Variants in MAP3K4 observed in about 807,000 individuals in gnomAD.
The protein encoded by MAP3K4 is mitogen-activated protein kinase kinase kinase 4.
A neutral mutation model predicts 185.6 loss-of-function variants in MAP3K4; 67 were observed. The observed-to-expected ratio is 0.36, with a 90% CI of 0.30 to 0.44. MAP3K4 has a LOEUF of 0.44. MAP3K4 is among the 20% of genes least tolerant of loss of function. The pLI, the probability that MAP3K4 is intolerant of heterozygous loss-of-function variation, is 1.00. For synonymous variants in MAP3K4, 702 were observed against 710.4 expected (o/e 0.99, Z 0.19); for missense variants, 1,551 against 1,995.1 (o/e 0.78, Z 4.24).
chr6:161,116,833 C>T lies in MAP3K4; in HGVS notation c.4807-17C>T. ...CCTGGCTCTGCAAGAGCTCAGCTCT[C>T]TCCTGCTTCCTCACAGGTTTGCACA... On this transcript the variant is annotated splice_polypyrimidine_tract_variant and intron_variant, in intron 26 of 26. Transcript: ENST00000392142. The surrounding 1 kb of genome is among the most constrained non-coding windows in gnomAD (Gnocchi z 6.2). The T allele has an allele frequency of 6.2e-7, 1 of 1,613,966 alleles. No individual in the cohort carries two copies.
chr6:161,087,736 C>G lies in MAP3K4; in HGVS notation c.2605C>G (p.Leu869Val). 6.2e-7 allele frequency: 1 copy of G among 1,614,160 alleles called. No homozygotes were observed. Among genetic ancestry groups the G allele is most frequent in the Non-Finnish European group, 8.5e-7 (1 of 1,180,008 alleles). Residue 869 changes from leucine to valine, a missense_variant, in exon 10 of 27, where the codon CTT (leucine) becomes GTT (valine). By Grantham distance (32) the Leu-to-Val change is conservative. Transcript: ENST00000392142. The surrounding 1 kb of genome is among the most constrained non-coding windows in gnomAD (Gnocchi z 4.9). ...ENLQMFVPDT[L>V]AEEKSIILQL... is the part of the protein sequence containing the mutation. ...CTTGCAAATGTTTGTTCCAGACACT[C>G]TTGCTGAGGAGAAGAGTATTATTTT...
In MAP3K4 at chr6:161,089,462, G is replaced by A. The variant is rs748456562; in HGVS notation, c.2964G>A (p.Gln988=). 2 of 1,614,168 alleles carry A rather than the reference G, an allele frequency of 1.2e-6. No homozygotes were observed. The highest frequency in any genetic ancestry group is 1.7e-5 in the Admixed American group (1 of 60,020). ...SSQPVIAKAL[Q]QLKNDALELC... ...AGCCGGTCATCGCCAAAGCTTTGCA[G>A]CAGCTGAAGGTATTACACTGTCCTC... Residue 988 remains glutamine (Q), a synonymous_variant, in exon 11 of 27, where the codon CAG becomes CAA. Coordinates refer to ENST00000392142, the MANE Select transcript of MAP3K4 (RefSeq NM_005922.4).
chr6:161,005,501 A>T (rs1781542177), intron 1 of MAP3K4, among the ~76,000 whole-genome samples: 1 of 152,076 alleles, frequency 6.6e-6, no homozygotes, highest in Admixed American at 6.5e-5. Flanking sequence ...TAGGTATCTA[A>T]TGAATACCCA....
chr6:161,046,041 A>G (rs1783714826), intron 2 of MAP3K4, among the ~76,000 whole-genome samples: 2 of 152,046 alleles, frequency 1.3e-5, no homozygotes, highest in Admixed American at 6.6e-5. Context: ...TAAGCCCAAC[A>G]TGTGTGTTTT....
At position 161,092,234 on chromosome 6, in the gene MAP3K4, CGACACA is replaced by C. The variant is rs2114869332; in HGVS notation, c.3269+94_3269+99del. ...TTCTGTGGGATTCTTTTTGAGCAGA[CGACACA>C]GAAGGGAACACTCTAAACTCTTCGG... On this transcript the variant is annotated intron_variant, in intron 13 of 26. Coordinates refer to ENST00000392142, the MANE Select transcript of MAP3K4 (RefSeq NM_005922.4). 1.1e-5 allele frequency: 15 copies of C among 1,421,378 alleles called. No homozygotes were observed. The South Asian group carries it at 1.9e-4, about 18-fold the overall frequency. 88.0% of individuals were successfully genotyped at this position (1,421,378 alleles called of 1,614,324 possible). A position where few individuals can be genotyped will look rare whatever the true frequency, so the allele number is the denominator to read the frequency against.
rs1008290144 is a variant in MAP3K4 at position 161,073,695 on chromosome 6, A to G, written c.2097+83A>G. 9.8e-6 allele frequency: 14 copies of G among 1,430,788 alleles called. No homozygotes were observed. The African/African-American group carries it at 1.6e-4, about 16-fold the overall frequency. 88.6% of individuals were successfully genotyped at this position (1,430,788 alleles called of 1,614,324 possible). A position where few individuals can be genotyped will look rare whatever the true frequency, so the allele number is the denominator to read the frequency against. On this transcript the variant is annotated intron_variant, in intron 5 of 26. Coordinates refer to ENST00000392142, the MANE Select transcript of MAP3K4 (RefSeq NM_005922.4). This position sits in a 1 kb window ranked among gnomAD's most constrained non-coding sequence, Gnocchi z 4.2. ...TAAGCCTGTATTTCCTTGTTTTGCA[A>G]ACAGCGTTGGCATACATATTCAGAT...
chr6:161,086,388 T>C lies in MAP3K4; in HGVS notation c.2382T>C (p.Val794=). 6.2e-7 allele frequency: 1 copy of C among 1,612,098 alleles called. No homozygotes were observed. Among genetic ancestry groups the C allele is most frequent in the Non-Finnish European group, 8.5e-7 (1 of 1,178,584 alleles). ...TGAATCCACTTGGCAGGAGGTCTGTTATAGAGATCAGTCGAGCCCTGAAGG... is the reference window on the plus strand; with the variant it reads ...TGAATCCACTTGGCAGGAGGTCTGTCATAGAGATCAGTCGAGCCCTGAAGG... ...SSASDEIRRS[V]IEISRALKEL... The change falls in exon 8 of 27, where the codon GTT becomes GTC. Residue 794 remains valine, a synonymous_variant. Transcript: ENST00000392142. The surrounding 1 kb of genome is among the most constrained non-coding windows in gnomAD (Gnocchi z 4.8).
rs1015863119 is a variant in MAP3K4, at chr6:160,996,627, C to T, written c.152+4544C>T. ...ATCAGTAGGCTACTGGTAGTGGTTTCTTTAAAGAGAAAATGGAAAACGTGA... is the reference window on the plus strand; with the variant it reads ...ATCAGTAGGCTACTGGTAGTGGTTTTTTTAAAGAGAAAATGGAAAACGTGA... On this transcript the variant is annotated intron_variant, in intron 1 of 26. Coordinates refer to ENST00000392142, the MANE Select transcript of MAP3K4 (RefSeq NM_005922.4). The surrounding 1 kb of genome is among the most constrained non-coding windows in gnomAD (Gnocchi z 4.5). Among the ~76,000 whole-genome samples, 1 of 152,104 alleles carries T rather than the reference C, an allele frequency of 6.6e-6. No homozygotes were observed. Among genetic ancestry groups the T allele is most frequent in the Non-Finnish European group, 1.5e-5 (1 of 68,022 alleles).
chr6:161,044,997 T>C (rs1783656976), intron 2 of MAP3K4, among the ~76,000 whole-genome samples: 1 of 152,146 alleles, frequency 6.6e-6, no homozygotes. Context: ...GCATGAGATT[T>C]GGAGGGGGCA....
Position 161,034,009 on chromosome 6 carries a change from G to A in MAP3K4, c.153-250G>A, listed in dbSNP as rs1398314633. ...GCTCTATAAACAAGAGAAACAGAAA[G>A]CATAACAGCTCTACCCATGTGGTAC... On this transcript the variant is annotated intron_variant, in intron 1 of 26. Transcript: ENST00000392142. This position sits in a 1 kb window ranked among gnomAD's most constrained non-coding sequence, Gnocchi z 4.4. Among the ~76,000 whole-genome samples, 3 of 152,162 alleles carry A rather than the reference G, an allele frequency of 2.0e-5. No homozygotes were observed. The highest frequency in any genetic ancestry group is 2.9e-5 in the Non-Finnish European group (2 of 68,016).
chr6:161,045,168 G>A (rs1057310604), intron 2 of MAP3K4, among the ~76,000 whole-genome samples: 11 of 151,904 alleles, frequency 7.2e-5, no homozygotes, highest in African/African-American at 2.4e-4. Context: ...AAACTAAGAT[G>A]TATGAATTTA....
At chr6:161,026,118 A>G (rs1218802682) in intron 1 of MAP3K4, among the ~76,000 whole-genome samples, 1 of 151,874 alleles carries the variant, frequency 6.6e-6, no homozygotes, top group Non-Finnish European at 1.5e-5. Context: ...GTCAGGCCCA[A>G]TCTAAGAAGG....
At chr6:161,078,722 T>A (rs1263521724) in intron 5 of MAP3K4, among the ~76,000 whole-genome samples, 1 of 151,702 alleles carries the variant, frequency 6.6e-6, no homozygotes, top group Non-Finnish European at 1.5e-5. Context: ...GTTCGGTGGG[T>A]TTTCCGCATG....
chr6:161,059,745 A>T (rs1391316316), intron 3 of MAP3K4, among the ~76,000 whole-genome samples: 1 of 151,954 alleles, frequency 6.6e-6, no homozygotes, highest in Non-Finnish European at 1.5e-5. Context: ...ATTATTTTAA[A>T]ATTTTATAAT....
intron 2 of MAP3K4, among the ~76,000 whole-genome samples, chr6:161,040,864 T>C (rs1238872725): frequency 1.3e-5 from 2 of 152,276 alleles, no homozygotes; most frequent in African/African-American, 4.8e-5. Context: ...CAGTGACTCC[T>C]GTGAGGTCCA....
At chr6:161,095,669 G>A (rs1425864257) in intron 15 of MAP3K4, among the ~76,000 whole-genome samples, 1 of 152,110 alleles carries the variant, frequency 6.6e-6, no homozygotes, top group Non-Finnish European at 1.5e-5. Flanking sequence ...CTTTTCATTG[G>A]CCACACTGTG....
intron 1 of MAP3K4, among the ~76,000 whole-genome samples, chr6:160,993,537 C>G (rs75654699): frequency 0.022 from 3,284 of 152,278 alleles, 127 homozygotes; most frequent in African/African-American, 0.076. Flanking sequence ...GGTTTCACAG[C>G]TGGTAATGAA....
chr6:161,019,239 C>A (rs1782261858), intron 1 of MAP3K4, among the ~76,000 whole-genome samples: 2 of 152,194 alleles, frequency 1.3e-5, no homozygotes, highest in African/African-American at 2.4e-5. Flanking sequence ...ACTGGAAGAT[C>A]ACTGCTTAAA....
rs564402872 is a variant in MAP3K4, at chr6:161,048,599, A to AT, written c.344-6dup. ...TTTAGAGTTATATAATGTTCTGTTTATTTTTTTTTTTAATAGAAAAAATGA... is the reference window on the plus strand; with the variant it reads ...TTTAGAGTTATATAATGTTCTGTTTATTTTTTTTTTTTAATAGAAAAAATGA... On this transcript the variant is annotated splice_polypyrimidine_tract_variant and intron_variant, in intron 2 of 26. Coordinates refer to ENST00000392142, the MANE Select transcript of MAP3K4 (RefSeq NM_005922.4). The surrounding 1 kb of genome is among the most constrained non-coding windows in gnomAD (Gnocchi z 4.7). 0.011 allele frequency: 11,945 copies of AT among 1,137,558 alleles called. No homozygotes were observed. The highest frequency in any genetic ancestry group is 0.016 in the South Asian group (897 of 57,212). 70.5% of individuals were successfully genotyped at this position (1,137,558 alleles called of 1,614,324 possible).
Sources: allele counts gnomAD v4.1 joint callset (sites outside exome capture counted in the v4.1 genomes callset), GRCh38; gene constraint gnomAD v4.1.1; non-coding constraint Gnocchi (gnomAD v3.1); transcripts MANE v1.5; gene names NCBI Gene and HGNC (gene_info 2026-07-23, HGNC 2026-07-21).